The following UGT2A1 variants were observed in gnomAD, a reference collection of about 807,000 sequenced individuals.
UGT2A1 encodes the protein UDP-glucuronosyltransferase 2A1.
A neutral mutation model predicts 45.4 loss-of-function variants in UGT2A1; 61 were observed. The observed-to-expected ratio is 1.34, with a 90% CI of 1.09 to 1.66. The LOEUF is 1.66. Among genes scored for constraint, UGT2A1 ranks in the 40% most tolerant of loss-of-function variants. The pLI is 0.00. For missense variants in UGT2A1, 649 were observed against 574.3 expected, an observed-to-expected ratio of 1.13 and a Z score of -1.33; for synonymous variants, 229 against 196.2, an observed-to-expected ratio of 1.17 and a Z score of -1.40.
At chr4:69,628,076 C>T (rs1016633311) in intron 3 of UGT2A1, among the ~76,000 whole-genome samples, 3 of 151,788 alleles carry the variant, frequency 2.0e-5, no homozygotes, top group Non-Finnish European at 2.9e-5. Context: ...GAAATTATTG[C>T]CAAGGTCAAT....
Position 69,602,894 on chromosome 4 carries a change from C to T in UGT2A1, c.848-3500G>A, listed in dbSNP as rs778979960. Among the ~76,000 whole-genome samples the T allele has an allele frequency of 2.4e-3, 317 of 134,010 alleles. 61 individuals are homozygous for T. The highest frequency in any genetic ancestry group is 3.9e-3 in the Admixed American group (53 of 13,530). The allele number at this position is 134,010 out of a possible 152,430, so 87.9% of individuals were successfully genotyped here. ...CAGTGTGGCCAAGATGGTGAAACCCCGTCTCTACTAAAAATACAAAAAAAT... is the reference window on the plus strand; with the variant it reads ...CAGTGTGGCCAAGATGGTGAAACCCTGTCTCTACTAAAAATACAAAAAAAT... On this transcript the variant is annotated intron_variant, in intron 3 of 6. Transcript: ENST00000286604.
intron 3 of UGT2A1, among the ~76,000 whole-genome samples, chr4:69,600,724 T>C (rs941536424): frequency 6.6e-6 from 1 of 151,836 alleles, no homozygotes; most frequent in African/African-American, 2.4e-5. Context: ...CATCTAATCA[T>C]GGCAGAAGGC....
At chr4:69,589,709 G>A in intron 6 of UGT2A1, 58 bp from the exon 7 acceptor site, 1 of 1,554,422 alleles carries the variant, frequency 6.4e-7, no homozygotes. Flanking sequence ...TTTCATTGAA[G>A]ATAAATATGT....
rs1015934633 is a variant in UGT2A1, at chr4:69,600,205, G to A, written c.848-811C>T. Among the ~76,000 whole-genome samples, 9 of 152,242 alleles carry A rather than the reference G, an allele frequency of 5.9e-5. No individual in the cohort carries two copies. The South Asian group carries it at 1.2e-3, about 21-fold the overall frequency. ...TGGGAAACCTGGCAATCCAGACCAC[G>A]GGGAAATGCCTTAACCCTACCCAGT... is the stretch of plus-strand genomic sequence containing the variant. On this transcript the variant is annotated intron_variant, in intron 3 of 6. Transcript: ENST00000286604.
At chr4:69,613,775 CTCT>C (rs1720206762) in intron 3 of UGT2A1, among the ~76,000 whole-genome samples, 1 of 151,932 alleles carries the variant, frequency 6.6e-6, no homozygotes, top group East Asian at 1.9e-4. Flanking sequence ...ACATTAACAT[CTCT>C]TCATGATTAA....
chr4:69,639,585 A>G, intron 2 of UGT2A1: 1 of 1,610,182 alleles, frequency 6.2e-7, no homozygotes, highest in Non-Finnish European at 8.5e-7. Context: ...AGTCAAATTA[A>G]AAACCAGCAT....
chr4:69,597,186 G>C (rs1718977737), intron 4 of UGT2A1, among the ~76,000 whole-genome samples: 1 of 152,030 alleles, frequency 6.6e-6, no homozygotes, highest in Non-Finnish European at 1.5e-5. Context: ...ATAGGTCTAA[G>C]AAAAAATTTG....
At chr4:69,598,754 T>C (rs181039875) in intron 4 of UGT2A1, among the ~76,000 whole-genome samples, 1 of 152,244 alleles carries the variant, frequency 6.6e-6, no homozygotes, top group East Asian at 1.9e-4. Flanking sequence ...ATGGCACAAC[T>C]GTCTAATAAA....
intron 6 of UGT2A1, among the ~76,000 whole-genome samples, chr4:69,590,151 T>A (rs1157351511): frequency 6.6e-6 from 1 of 152,210 alleles, no homozygotes; most frequent in African/African-American, 2.4e-5. Context: ...GTGGCACACA[T>A]CTGTATGTTT....
At chr4:69,626,545 G>A (rs1307281269) in intron 3 of UGT2A1, among the ~76,000 whole-genome samples, 1 of 151,468 alleles carries the variant, frequency 6.6e-6, no homozygotes, top group African/African-American at 2.4e-5. Flanking sequence ...GCTCACTACT[G>A]GGTGATGGGA....
chr4:69,635,327 C>A (rs866239133), intron 3 of UGT2A1, among the ~76,000 whole-genome samples: 11 of 152,180 alleles, frequency 7.2e-5, no homozygotes, highest in African/African-American at 2.6e-4. Flanking sequence ...ATCTACAGTG[C>A]GCTGGGATGG....
chr4:69,619,805 A>T (rs1348472550), intron 3 of UGT2A1, among the ~76,000 whole-genome samples: 1 of 152,078 alleles, frequency 6.6e-6, no homozygotes, highest in Non-Finnish European at 1.5e-5. Context: ...CTAATCCATG[A>T]CAATCAAATA....
intron 6 of UGT2A1, among the ~76,000 whole-genome samples, chr4:69,591,832 A>G (rs1718612816): frequency 6.6e-6 from 1 of 152,222 alleles, no homozygotes; most frequent in Non-Finnish European, 1.5e-5. Context: ...CAAAATTGTC[A>G]GCAACTAACA....
rs771825937 is a variant in UGT2A1 at position 69,589,516 on chromosome 4, G to A, written c.1440C>T (p.Asp480=). Residue 480 remains aspartate (D), a synonymous_variant, in exon 7 of 7, where the codon GAC becomes GAT. Transcript: ENST00000286604. ...GAKHLRVAAH[D]LTWFQYHSLD... is the part of the protein sequence containing the mutation. Reference sequence around the variant, plus strand: ...AAGAGTGGTACTGGAACCAGGTGAGGTCATGGGCTGCAACCCGAAGGTGCT... The same window carrying A: ...AAGAGTGGTACTGGAACCAGGTGAGATCATGGGCTGCAACCCGAAGGTGCT... 1 of 1,614,066 alleles carries A rather than the reference G, an allele frequency of 6.2e-7. No individual in the cohort carries two copies. Among genetic ancestry groups the A allele is most frequent in the Admixed American group, 1.7e-5 (1 of 59,994 alleles).
intron 6 of UGT2A1, among the ~76,000 whole-genome samples, chr4:69,594,267 C>T (rs1377142066): frequency 6.6e-6 from 1 of 152,108 alleles, no homozygotes; most frequent in Admixed American, 6.5e-5. Context: ...AGCCACTGCG[C>T]CCGGCCAATA....
At chr4:69,637,908 A>C (rs1033316795) in intron 2 of UGT2A1, among the ~76,000 whole-genome samples, 2 of 150,120 alleles carry the variant, frequency 1.3e-5, no homozygotes, top group Non-Finnish European at 3.0e-5. Context: ...GGCAAGAAGG[A>C]AGGCAGGCAG....
chr4:69,624,139 T>C (rs946743212), intron 3 of UGT2A1, among the ~76,000 whole-genome samples: 6 of 151,584 alleles, frequency 4.0e-5, no homozygotes, highest in South Asian at 2.1e-4. Context: ...TTTTCATCAA[T>C]TTACTTTCTT....
chr4:69,652,337 G>T (rs191432360), intron 1 of UGT2A1, among the ~76,000 whole-genome samples: 1 of 141,282 alleles, frequency 7.1e-6, no homozygotes, highest in Non-Finnish European at 1.5e-5. Flanking sequence ...AAGCTGGAGT[G>T]CAAGGGCATA....
intron 6 of UGT2A1, among the ~76,000 whole-genome samples, chr4:69,593,511 GAC>G (rs1240536361): frequency 1.3e-5 from 2 of 150,798 alleles, no homozygotes; most frequent in Admixed American, 1.3e-4. Flanking sequence ...AAAAAAATAA[GAC>G]ACAATATATA....
Sources: gnomAD v4.1 joint callset for allele counts (sites outside exome capture counted in the v4.1 genomes callset) on GRCh38, gnomAD v4.1.1 for gene constraint, MANE v1.5 for transcripts, NCBI Gene and HGNC (gene_info 2026-07-23, HGNC 2026-07-21) for gene names.